The following THBS4 variants were observed in gnomAD, a reference collection of about 807,000 sequenced individuals.
THBS4 encodes the protein thrombospondin 4.
In THBS4, 90 loss-of-function variants were observed where a neutral mutation model predicts 115.7. The observed-to-expected ratio is 0.78, with a 90% CI of 0.66 to 0.93. THBS4 has a LOEUF of 0.93. THBS4 is among the 40% of genes least tolerant of loss of function. The pLI, the probability that THBS4 is intolerant of heterozygous loss-of-function variation, is 0.00. For synonymous variants in THBS4, 460 were observed against 479.3 expected (o/e 0.96, Z 0.53); for missense variants, 1,087 against 1,232.7 (o/e 0.88, Z 1.77).
chr5:79,992,208 G>A (rs1414391214), intron 1 of THBS4, among the ~76,000 whole-genome samples: 3 of 152,174 alleles, frequency 2.0e-5, no homozygotes, highest in South Asian at 2.1e-4. Context: ...GGAAATTTTG[G>A]TCTTGGAAAT....
chr5:80,029,604 T>G (rs1336819838), intron 2 of THBS4, among the ~76,000 whole-genome samples: 1 of 152,190 alleles, frequency 6.6e-6, no homozygotes, highest in Non-Finnish European at 1.5e-5. Context: ...CCTCTTTTCT[T>G]GCTTTACTAA....
intron 2 of THBS4, among the ~76,000 whole-genome samples, chr5:80,046,971 A>C (rs1833087893): frequency 6.6e-6 from 1 of 152,214 alleles, no homozygotes; most frequent in Admixed American, 6.5e-5. Flanking sequence ...AATCAGATGA[A>C]ATTTAACAAG....
At chr5:80,082,051 G>A (rs1166824777) in intron 20 of THBS4, 1 of 205,836 alleles carries the variant, frequency 4.9e-6, no homozygotes, top group African/African-American at 2.3e-5. Context: ...ATGACAATAA[G>A]ACACAAAACT....
rs746584658 is a variant in THBS4 at position 80,055,904 on chromosome 5, G to A, written c.412G>A (p.Ala138Thr). The part of the protein sequence containing the change: ...LLRLSNLQRG[A>T]GSLELYLDCI... ...GAGGCTGAGCAATTTGCAGCGAGGGGCCGGCTCCCTAGAGCTCTACCTGGA... is the reference window on the plus strand; with the variant it reads ...GAGGCTGAGCAATTTGCAGCGAGGGACCGGCTCCCTAGAGCTCTACCTGGA... Residue 138 changes from alanine to threonine, a missense_variant, in exon 3 of 22, where the codon GCC becomes ACC. By Grantham distance (58) the Ala-to-Thr change is moderately conservative. This residue lies in a region of THBS4 where 979 missense variants were observed against 1,103.7 expected (regional missense o/e 0.89). Transcript: ENST00000350881. 2 of 1,614,196 alleles carry A rather than the reference G, an allele frequency of 1.2e-6. No homozygotes were observed. Among genetic ancestry groups the A allele is most frequent in the Non-Finnish European group, 1.7e-6 (2 of 1,180,034 alleles).
intron 1 of THBS4, among the ~76,000 whole-genome samples, chr5:79,994,175 G>C (rs189543900): frequency 6.6e-6 from 1 of 152,160 alleles, no homozygotes; most frequent in Admixed American, 6.5e-5. Flanking sequence ...AACATAACTT[G>C]CTTTATCTCC....
chr5:80,053,644 AC>A (rs1462233491), intron 2 of THBS4, among the ~76,000 whole-genome samples: 1 of 152,132 alleles, frequency 6.6e-6, no homozygotes, highest in Non-Finnish European at 1.5e-5. Flanking sequence ...TGATGTGTTT[AC>A]CACCTCCCTT....
intron 2 of THBS4, among the ~76,000 whole-genome samples, chr5:80,023,654 A>G (rs1203530829): frequency 6.6e-6 from 1 of 152,200 alleles, no homozygotes; most frequent in Non-Finnish European, 1.5e-5. Context: ...AAGACTGGGT[A>G]GTTTATTTTA....
At chr5:80,010,098 A>G (rs1832094310) in intron 2 of THBS4, among the ~76,000 whole-genome samples, 1 of 152,230 alleles carries the variant, frequency 6.6e-6, no homozygotes, top group African/African-American at 2.4e-5. Context: ...GGACCACTGC[A>G]CTGACAAAGC....
intron 8 of THBS4, among the ~76,000 whole-genome samples, chr5:80,063,527 G>A (rs1833710028): frequency 6.6e-6 from 1 of 152,186 alleles, no homozygotes; most frequent in African/African-American, 2.4e-5. Context: ...CTGTGCAGAA[G>A]CTCTTGAGTT....
At chr5:80,060,105 T>G (rs1322056817) in intron 7 of THBS4, among the ~76,000 whole-genome samples, 200 bp downstream of exon 7, 1 of 152,238 alleles carries the variant, frequency 6.6e-6, no homozygotes, top group African/African-American at 2.4e-5. Flanking sequence ...TTTGTCATTT[T>G]TCCTCTGTGT....
chr5:80,059,390 G>A (rs757601807), intron 5 of THBS4, 50 bp from the exon 6 acceptor site: 4 of 1,468,614 alleles, frequency 2.7e-6, no homozygotes, highest in Non-Finnish European at 3.8e-6. Context: ...ATTCCTGGAT[G>A]ATATCAGGCA....
chr5:79,995,320 G>A (rs1258216078), intron 1 of THBS4, among the ~76,000 whole-genome samples: 3 of 152,188 alleles, frequency 2.0e-5, no homozygotes, highest in Non-Finnish European at 4.4e-5. Flanking sequence ...AAAGTGTGGT[G>A]GAAAATGCTG....
At chr5:80,080,577 A>ATTTTTTTTTTTTT (rs1743442985) in intron 20 of THBS4, among the ~76,000 whole-genome samples, 10 of 66,820 alleles carry the variant, frequency 1.5e-4, no homozygotes, top group Admixed American at 1.7e-4. Flanking sequence ...CAGCGCTTGT[A>ATTTTTTTTTTTTT]TCTTTTTTTT....
Position 80,040,219 on chromosome 5 carries a change from T to C in THBS4, c.231T>C (p.Leu77=). ...QTKSSATIFG[L]YSSTDNSKYF... ...AAAGTTCAGCCACCATCTTCGGTCT[T>C]TACTCTTCAACTGACAACAGTAAAT... is the stretch of plus-strand genomic sequence containing the variant. The change falls in exon 2 of 22, where the codon CTT becomes CTC. Residue 77 remains leucine, a synonymous_variant. Transcript: ENST00000350881. The C allele has an allele frequency of 6.2e-7, 1 of 1,614,148 alleles. No homozygotes were observed. Among genetic ancestry groups the C allele is most frequent in the Non-Finnish European group, 8.5e-7 (1 of 1,180,032 alleles).
intron 5 of THBS4, 95 bp downstream of exon 5, chr5:80,058,885 C>A: frequency 1.6e-6 from 2 of 1,237,054 alleles, no homozygotes; most frequent in Non-Finnish European, 2.3e-6. Flanking sequence ...GGCACGGGGG[C>A]AGCCTCTGAG....
At chr5:79,999,891 G>GT (rs1561288525) in intron 2 of THBS4, among the ~76,000 whole-genome samples, 1 of 152,140 alleles carries the variant, frequency 6.6e-6, no homozygotes, top group East Asian at 1.9e-4. Context: ...AGAAATTAGC[G>GT]TACATTTTGA....
chr5:80,082,309 G>C (rs146651262), intron 20 of THBS4, 97 bp from the exon 21 acceptor site: 1 of 1,496,756 alleles, frequency 6.7e-7, no homozygotes, highest in Non-Finnish European at 9.1e-7. Context: ...AAAGAAAGAC[G>C]CAGGTACGTA....
intron 2 of THBS4, among the ~76,000 whole-genome samples, chr5:80,009,523 C>T (rs781782091): frequency 6.6e-6 from 1 of 152,080 alleles, no homozygotes; most frequent in Non-Finnish European, 1.5e-5. Context: ...TACTGCTCTT[C>T]GGTTGTGTAG....
intron 1 of THBS4, among the ~76,000 whole-genome samples, chr5:80,039,171 C>G (rs1042707913): frequency 1.3e-5 from 2 of 152,140 alleles, no homozygotes; most frequent in Non-Finnish European, 2.9e-5. Context: ...ATTATTATAT[C>G]CAAGAGACAG....
Sources: gnomAD v4.1 joint callset for allele counts (sites outside exome capture counted in the v4.1 genomes callset) on GRCh38, gnomAD v4.1.1 for gene constraint, gnomAD v4.1.1 regional missense constraint, MANE v1.5 for transcripts, NCBI Gene and HGNC (gene_info 2026-07-23, HGNC 2026-07-21) for gene names.